The following CSRNP3 variants were observed in gnomAD, a reference collection of about 807,000 sequenced individuals.
CSRNP3 encodes the protein cysteine/serine-rich nuclear protein 3.
In CSRNP3, 12 loss-of-function variants were observed where a neutral mutation model predicts 48.0. The ratio of observed to expected loss-of-function variants is 0.25; its 90% CI spans 0.16 to 0.41. The LOEUF (loss-of-function observed/expected upper bound fraction) is 0.41. Ranked by LOEUF, CSRNP3 falls within the 10% of genes least tolerant of loss-of-function variation. The pLI, the probability that CSRNP3 is intolerant of heterozygous loss-of-function variation, is 1.00. For synonymous variants in CSRNP3, 263 were observed against 269.7 expected (o/e 0.98, Z 0.24); for missense variants, 580 against 724.4 (o/e 0.80, Z 2.29).
At chr2:165,621,914 T>A (rs1392809284) in intron 4 of CSRNP3, among the ~76,000 whole-genome samples, 3 of 152,224 alleles carry the variant, frequency 2.0e-5, no homozygotes. Flanking sequence ...ATGTTTATTT[T>A]GTTCTTTAGA....
chr2:165,634,408 C>A (rs1315986690), intron 4 of CSRNP3, among the ~76,000 whole-genome samples: 1 of 152,128 alleles, frequency 6.6e-6, no homozygotes, highest in African/African-American at 2.4e-5. Context: ...ATATTGAGCA[C>A]CTGTTCTGTC....
intron 4 of CSRNP3, among the ~76,000 whole-genome samples, chr2:165,644,552 G>A (rs540916128): frequency 6.6e-6 from 1 of 152,248 alleles, no homozygotes; most frequent in African/African-American, 2.4e-5. Context: ...TCCATAGTAA[G>A]ATATAGTCCT....
intron 4 of CSRNP3, among the ~76,000 whole-genome samples, chr2:165,636,297 T>C (rs1686626677): frequency 6.6e-6 from 1 of 152,228 alleles, no homozygotes; most frequent in Admixed American, 6.5e-5. Flanking sequence ...AATAAATAAA[T>C]ATGAATGCAT....
At chr2:165,594,951 T>TA in intron 3 of CSRNP3, 92 bp from the exon 4 acceptor site, 1 of 1,135,268 alleles carries the variant, frequency 8.8e-7, no homozygotes, top group Non-Finnish European at 1.3e-6. Flanking sequence ...AGCTCATGTA[T>TA]AAAAAGCCAC....
chr2:165,506,818 C>T (rs1253974534), intron 2 of CSRNP3, among the ~76,000 whole-genome samples: 1 of 152,162 alleles, frequency 6.6e-6, no homozygotes, highest in Non-Finnish European at 1.5e-5. Context: ...ATACTCTTCA[C>T]TGAATCAAAC....
chr2:165,556,350 C>A (rs1041426168), intron 3 of CSRNP3, among the ~76,000 whole-genome samples: 6 of 152,004 alleles, frequency 3.9e-5, no homozygotes, highest in African/African-American at 1.5e-4. Context: ...GAGGCAAATC[C>A]AAGTGGTGAA....
At chr2:165,509,610 A>G (rs1684474959) in intron 2 of CSRNP3, among the ~76,000 whole-genome samples, 1 of 152,172 alleles carries the variant, frequency 6.6e-6, no homozygotes, top group Non-Finnish European at 1.5e-5. Context: ...TAAGCATTTT[A>G]TTTTCAAATA....
intron 4 of CSRNP3, among the ~76,000 whole-genome samples, chr2:165,650,500 T>G (rs1686886965): frequency 6.6e-6 from 1 of 152,230 alleles, no homozygotes; most frequent in Non-Finnish European, 1.5e-5. Context: ...CTTAATAACT[T>G]CAATCATTGG....
chr2:165,567,329 GT>G (rs1293850034), intron 3 of CSRNP3, among the ~76,000 whole-genome samples: 1 of 152,032 alleles, frequency 6.6e-6, no homozygotes, highest in African/African-American at 2.4e-5. Context: ...GATAAATGCT[GT>G]TTTCTAATGC....
chr2:165,678,793 T>A lies in CSRNP3; in HGVS notation c.798T>A (p.Thr266=). 1 of 1,614,070 alleles carries A rather than the reference T, an allele frequency of 6.2e-7. No individual in the cohort carries two copies. The highest frequency in any genetic ancestry group is 1.7e-4 in the Middle Eastern group (1 of 6,060). ...AATTTAATCCTATCCGTGTTCGGAC[T>A]CACTTTTTGCACACAATAATGAAAC... ...RIEFNPIRVR[T]HFLHTIMKLE... is the part of the protein sequence containing the mutation. The change falls in exon 7 of 7, where the codon ACT becomes ACA. Residue 266 remains threonine (T), a synonymous_variant. Transcript: ENST00000651982.
chr2:165,512,213 A>T (rs1361352222), intron 2 of CSRNP3, among the ~76,000 whole-genome samples: 1 of 152,164 alleles, frequency 6.6e-6, no homozygotes, highest in African/African-American at 2.4e-5. Flanking sequence ...AACTTGAAAC[A>T]TGTTTTTCAA....
At chr2:165,590,719 T>C (rs1685702669) in intron 3 of CSRNP3, among the ~76,000 whole-genome samples, 1 of 152,212 alleles carries the variant, frequency 6.6e-6, no homozygotes, top group Non-Finnish European at 1.5e-5. Flanking sequence ...GGCACTTTTC[T>C]CTTCTGCAGC....
At chr2:165,502,617 A>G (rs534153577) in intron 2 of CSRNP3, among the ~76,000 whole-genome samples, 2 of 152,136 alleles carry the variant, frequency 1.3e-5, no homozygotes, top group African/African-American at 4.8e-5. Context: ...CCCACTTCTA[A>G]TAAGTGAGTG....
At chr2:165,505,961 A>G (rs1166193579) in intron 2 of CSRNP3, among the ~76,000 whole-genome samples, 2 of 152,190 alleles carry the variant, frequency 1.3e-5, no homozygotes, top group Non-Finnish European at 2.9e-5. Flanking sequence ...TATCTTAGAT[A>G]AAACAGAGAT....
intron 2 of CSRNP3, among the ~76,000 whole-genome samples, chr2:165,510,736 C>T (rs1363819086): frequency 6.6e-6 from 1 of 152,128 alleles, no homozygotes; most frequent in Non-Finnish European, 1.5e-5. Context: ...ATTTTTTGGA[C>T]ATACTATGTT....
chr2:165,548,025 G>A (rs1685053678), intron 3 of CSRNP3, among the ~76,000 whole-genome samples: 1 of 152,032 alleles, frequency 6.6e-6, no homozygotes, highest in Admixed American at 6.6e-5. Flanking sequence ...CAAGCTTCTA[G>A]TAAAGCATTG....
chr2:165,547,829 G>T (rs1685051933), intron 3 of CSRNP3, among the ~76,000 whole-genome samples: 1 of 151,968 alleles, frequency 6.6e-6, no homozygotes, highest in Admixed American at 6.6e-5. Context: ...AAAGTATTAA[G>T]AACACAATTG....
chr2:165,537,647 A>G (rs541429747), intron 3 of CSRNP3, among the ~76,000 whole-genome samples: 2 of 151,820 alleles, frequency 1.3e-5, no homozygotes, highest in Non-Finnish European at 2.9e-5. Context: ...TAAAAATTTC[A>G]TTTATAGTAC....
chr2:165,535,313 GTTC>G (rs1195059875), intron 3 of CSRNP3, among the ~76,000 whole-genome samples: 1 of 149,392 alleles, frequency 6.7e-6, no homozygotes, highest in African/African-American at 2.5e-5. Context: ...ACTTTAGCTT[GTTC>G]TTTTTTTTTT....
Sources: allele counts gnomAD v4.1 joint callset (sites outside exome capture counted in the v4.1 genomes callset), GRCh38; gene constraint gnomAD v4.1.1; transcripts MANE v1.5; gene names NCBI Gene and HGNC (gene_info 2026-07-23, HGNC 2026-07-21).